HELZ: variants seen among roughly 807,000 people sequenced by gnomAD.
HELZ encodes ATP-dependent RNA helicase with zinc finger domain.
HELZ carries 23 observed loss-of-function variants against 218.2 expected under a neutral mutation model. The ratio of observed to expected loss-of-function variants is 0.11; its 90% CI spans 0.08 to 0.15. The LOEUF (loss-of-function observed/expected upper bound fraction) is 0.15, where lower values mean the gene tolerates loss of function less well. Among genes scored for constraint, HELZ ranks in the 10% least tolerant of loss-of-function variants. The pLI, the probability that HELZ is intolerant of heterozygous loss-of-function variation, is 1.00. For synonymous variants in HELZ, 814 were observed against 829.4 expected, an observed-to-expected ratio of 0.98 and a Z score of 0.32; for missense variants, 1,813 against 2,353.7, an observed-to-expected ratio of 0.77 and a Z score of 4.75.
chr17:67,078,192 T>C lies in HELZ; in HGVS notation c.*60A>G, dbSNP rs1330690904. 1 of 1,235,220 alleles carries C rather than the reference T, an allele frequency of 8.1e-7. No individual in the cohort carries two copies. The highest frequency in any genetic ancestry group is 1.2e-6 in the Non-Finnish European group (1 of 847,418). The allele number at this position is 1,235,220 out of a possible 1,614,324, so 76.5% of individuals were successfully genotyped here. On this transcript the variant is annotated 3_prime_UTR_variant, in exon 33 of 33. Coordinates refer to ENST00000358691, the MANE Select transcript of HELZ (RefSeq NM_014877.4). ...CATCTATAGATGAAGTCCAACTACC[T>C]TAATTCTACTGATACAAACAGAAAT...
At chr17:67,085,566 T>C (rs72848832) in intron 32 of HELZ, among the ~76,000 whole-genome samples, 1 of 150,384 alleles carries the variant, frequency 6.6e-6, no homozygotes, top group Non-Finnish European at 1.5e-5. Flanking sequence ...TTTTTTTTAA[T>C]TTTTTTTACC....
chr17:67,222,104 A>T (rs1171232089), intron 3 of HELZ, among the ~76,000 whole-genome samples: 1 of 152,162 alleles, frequency 6.6e-6, no homozygotes, highest in Non-Finnish European at 1.5e-5. Flanking sequence ...GGCCTCCCAA[A>T]TGCTGGGATT....
At chr17:67,240,452 A>G (rs2041288928) in intron 2 of HELZ, among the ~76,000 whole-genome samples, 1 of 152,206 alleles carries the variant, frequency 6.6e-6, no homozygotes, top group South Asian at 2.1e-4. Context: ...GTTTACCATA[A>G]GCATACAGGA....
chr17:67,086,949 T>C lies in HELZ; in HGVS notation c.5374A>G (p.Asn1792Asp). The C allele has an allele frequency of 6.2e-7, 1 of 1,613,954 alleles. No individual in the cohort carries two copies. Among genetic ancestry groups the C allele is most frequent in the African/African-American group, 1.3e-5 (1 of 74,950 alleles). ...GATGAAAAGTTGAAAGAAGATTGGTTACTGTGGTCCTGAAGCTCTTTACAC... is the reference window on the plus strand; with the variant it reads ...GATGAAAAGTTGAAAGAAGATTGGTCACTGTGGTCCTGAAGCTCTTTACAC... ...AQCKELQDHS[N>D]QSSFNFSSPE... The change falls in exon 32 of 33, where the codon AAC becomes GAC. Residue 1792 changes from asparagine to aspartate, a missense_variant. By Grantham distance (23) the Asn-to-Asp change is conservative. Around this residue, in one of 4 missense-constraint regions of HELZ, gnomAD observed 938 missense variants for 1,027.5 expected, o/e 0.91. Transcript: ENST00000358691.
chr17:67,160,932 C>T lies in HELZ; in HGVS notation c.2040G>A (p.Gln680=), dbSNP rs1292000223. ...YGTGKTFTLA[Q]AVKHILQQQE... is the part of the protein sequence containing the mutation. ...GTTGCTGCAGAATATGTTTGACAGC[C>T]TGAGCTAGAGTGAACGTTTTGCCTG... The change falls in exon 16 of 33, where the codon CAG becomes CAA. Residue 680 remains glutamine (Q), a synonymous_variant. Coordinates refer to ENST00000358691, the MANE Select transcript of HELZ (RefSeq NM_014877.4). The T allele has an allele frequency of 6.2e-7, 1 of 1,609,562 alleles. No individual in the cohort carries two copies. The highest frequency in any genetic ancestry group is 1.3e-5 in the African/African-American group (1 of 74,680).
intron 32 of HELZ, among the ~76,000 whole-genome samples, chr17:67,079,245 T>C (rs1238892773): frequency 2.0e-5 from 3 of 152,200 alleles, no homozygotes; most frequent in African/African-American, 4.8e-5. Flanking sequence ...TTATGTAACA[T>C]TGTACTGGAT....
At chr17:67,132,594 T>C (rs1379765704) in intron 23 of HELZ, among the ~76,000 whole-genome samples, 1 of 152,160 alleles carries the variant, frequency 6.6e-6, no homozygotes, top group Non-Finnish European at 1.5e-5. Flanking sequence ...ATACCCACAT[T>C]ATAGGGTTGT....
At chr17:67,229,379 G>A (rs930786996) in intron 3 of HELZ, among the ~76,000 whole-genome samples, 5 of 151,936 alleles carry the variant, frequency 3.3e-5, no homozygotes, top group South Asian at 2.1e-4. Flanking sequence ...AGATTTTAAC[G>A]AATGCTTCAA....
At chr17:67,111,103 C>T (rs1024507665) in intron 28 of HELZ, among the ~76,000 whole-genome samples, 6 of 152,162 alleles carry the variant, frequency 3.9e-5, no homozygotes, top group Middle Eastern at 3.2e-3. Context: ...GTTTTGTGTA[C>T]GCAGAGCTAT....
chr17:67,101,631 C>A (rs1317285890), intron 31 of HELZ, among the ~76,000 whole-genome samples: 1 of 152,068 alleles, frequency 6.6e-6, no homozygotes, highest in Non-Finnish European at 1.5e-5. Context: ...TTAATCATGC[C>A]AAAATTACTA....
In HELZ at chr17:67,208,693, G is replaced by T. The variant is rs984283936; in HGVS notation, c.248-5250C>A. On this transcript the variant is annotated intron_variant, in intron 5 of 32. Coordinates refer to ENST00000358691, the MANE Select transcript of HELZ (RefSeq NM_014877.4). ...ACACTTTGGGAGGCCAAGGTAGGAG[G>T]ATTGCTTGAACCCAGTAGTTCAAGA... is the stretch of plus-strand genomic sequence containing the variant. Among the ~76,000 whole-genome samples the T allele has an allele frequency of 2.6e-5, 4 of 152,062 alleles. No individual in the cohort carries two copies. In the East Asian group the frequency reaches 7.7e-4, roughly 29 times the overall value.
At chr17:67,218,535 C>G in intron 4 of HELZ, 60 bp downstream of exon 4, 1 of 1,274,340 alleles carries the variant, frequency 7.8e-7, no homozygotes, top group African/African-American at 1.5e-5. Context: ...ATCGTCACCC[C>G]TCAATGAAAA....
At chr17:67,100,869 G>C (rs2036903941) in intron 31 of HELZ, among the ~76,000 whole-genome samples, 1 of 152,126 alleles carries the variant, frequency 6.6e-6, no homozygotes, top group Admixed American at 6.5e-5. Context: ...GGGAGGCTGA[G>C]GCAGGCGGAT....
intron 31 of HELZ, among the ~76,000 whole-genome samples, chr17:67,104,085 T>A (rs1427197776): frequency 6.6e-6 from 1 of 152,010 alleles, no homozygotes; most frequent in East Asian, 1.9e-4. Context: ...TATACAAAAA[T>A]TAACTCAAAA....
intron 5 of HELZ, among the ~76,000 whole-genome samples, chr17:67,214,197 A>G (rs1000363400): frequency 6.6e-6 from 1 of 151,360 alleles, no homozygotes; most frequent in Non-Finnish European, 1.5e-5. Context: ...AAAGCACACA[A>G]TTCTATGAAG....
chr17:67,081,829 C>A (rs1160185330), intron 32 of HELZ, among the ~76,000 whole-genome samples: 2 of 152,082 alleles, frequency 1.3e-5, no homozygotes, highest in African/African-American at 4.8e-5. Context: ...CAGGTACAGA[C>A]AGAGAGGGAA....
At chr17:67,212,042 T>C (rs2040465170) in intron 5 of HELZ, among the ~76,000 whole-genome samples, 1 of 151,942 alleles carries the variant, frequency 6.6e-6, no homozygotes, top group Admixed American at 6.6e-5. Context: ...TGCAAATTAA[T>C]AGCCTGACAG....
intron 13 of HELZ, among the ~76,000 whole-genome samples, chr17:67,169,197 C>T (rs1172806480): frequency 6.6e-6 from 1 of 152,174 alleles, no homozygotes; most frequent in Non-Finnish European, 1.5e-5. Flanking sequence ...GGTAAGACAA[C>T]ATGGTAAGAA....
At chr17:67,106,777 G>T (rs1598230177) in intron 31 of HELZ, among the ~76,000 whole-genome samples, 1 of 152,294 alleles carries the variant, frequency 6.6e-6, no homozygotes, top group South Asian at 2.1e-4. Context: ...ACTTGGAGCT[G>T]GCACTGGCTG....
Sources: gnomAD v4.1 joint callset for allele counts (sites outside exome capture counted in the v4.1 genomes callset) on GRCh38, gnomAD v4.1.1 for gene constraint, gnomAD v4.1.1 regional missense constraint, MANE v1.5 for transcripts, NCBI Gene and HGNC (gene_info 2026-07-23, HGNC 2026-07-21) for gene names.